CSNK1G3: variants seen among roughly 807,000 people sequenced by gnomAD.
CSNK1G3 encodes the protein casein kinase I isoform gamma-3.
CSNK1G3 carries 23 observed loss-of-function variants against 64.3 expected under a neutral mutation model. That is an observed-to-expected ratio of 0.36 (90% CI 0.26 to 0.51). The LOEUF is 0.51. Ranked by LOEUF, CSNK1G3 falls within the 20% of genes least tolerant of loss-of-function variation. The pLI, the probability that CSNK1G3 is intolerant of heterozygous loss-of-function variation, is 0.96. For synonymous variants in CSNK1G3, 158 were observed against 162.2 expected, an observed-to-expected ratio of 0.97 and a Z score of 0.20; for missense variants, 357 against 510.5, an observed-to-expected ratio of 0.70 and a Z score of 2.90.
chr5:123,602,624 G>T (rs1794694955), intron 10 of CSNK1G3, among the ~76,000 whole-genome samples: 1 of 152,152 alleles, frequency 6.6e-6, no homozygotes, highest in Non-Finnish European at 1.5e-5. Context: ...TGGAAGTCTG[G>T]AAGATGGGAG....
rs1235072868 is a variant in CSNK1G3 at position 123,523,153 on chromosome 5, C to T, written c.-248+10583C>T. Among the ~76,000 whole-genome samples, 3 of 149,642 alleles carry T rather than the reference C, an allele frequency of 2.0e-5. No homozygotes were observed. The East Asian group carries it at 5.8e-4, about 29-fold the overall frequency. ...TTTAGTATAACTGCACTTCTGCTTT[C>T]TTCTTTTTTATACCACTGTTGATGA... On this transcript the variant is annotated intron_variant, in intron 1 of 12. Transcript: ENST00000345990.
intron 1 of CSNK1G3, among the ~76,000 whole-genome samples, chr5:123,514,898 G>C (rs1776871211): frequency 1.3e-5 from 2 of 152,136 alleles, no homozygotes; most frequent in Admixed American, 1.3e-4. Context: ...GAGTCAGTTT[G>C]AGGCATGAAG....
At chr5:123,599,200 A>G (rs1793994991) in intron 10 of CSNK1G3, among the ~76,000 whole-genome samples, 1 of 152,192 alleles carries the variant, frequency 6.6e-6, no homozygotes, top group Non-Finnish European at 1.5e-5. Context: ...CATTAAGGAC[A>G]CTGCTGGAAA....
intron 2 of CSNK1G3, among the ~76,000 whole-genome samples, chr5:123,549,184 A>G (rs1289138342): frequency 1.3e-5 from 2 of 152,222 alleles, no homozygotes; most frequent in Non-Finnish European, 2.9e-5. Context: ...GCATTCTGCC[A>G]TTGGTAGATG....
At chr5:123,596,724 TTCA>T (rs1239633308) in intron 10 of CSNK1G3, among the ~76,000 whole-genome samples, 2 of 152,152 alleles carry the variant, frequency 1.3e-5, no homozygotes, top group Admixed American at 6.5e-5. Flanking sequence ...TACATCTGAC[TTCA>T]TCCTAATATT....
chr5:123,588,308 C>G, intron 7 of CSNK1G3, 119 bp from the exon 8 acceptor site: 1 of 1,045,284 alleles, frequency 9.6e-7, no homozygotes, highest in Non-Finnish European at 1.5e-6. Context: ...AACTCCTGGG[C>G]TCAAGCATTC....
chr5:123,592,397 G>A (rs558577573), intron 10 of CSNK1G3, among the ~76,000 whole-genome samples: 1 of 152,020 alleles, frequency 6.6e-6, no homozygotes, highest in South Asian at 2.1e-4. Flanking sequence ...ATGTTTCCTG[G>A]CCAGGTAAAG....
intron 2 of CSNK1G3, among the ~76,000 whole-genome samples, chr5:123,549,129 A>T (rs1783154468): frequency 6.6e-6 from 1 of 152,184 alleles, no homozygotes; most frequent in Admixed American, 6.5e-5. Flanking sequence ...ATAGTTGAGA[A>T]CTTCTGTGTT....
chr5:123,536,644 T>C (rs1163328768), intron 1 of CSNK1G3, among the ~76,000 whole-genome samples: 1 of 152,034 alleles, frequency 6.6e-6, no homozygotes, highest in Non-Finnish European at 1.5e-5. Flanking sequence ...AGTATGTGTA[T>C]TGAAACATCA....
chr5:123,542,910 A>T (rs1781910788), intron 1 of CSNK1G3, among the ~76,000 whole-genome samples: 2 of 134,700 alleles, frequency 1.5e-5, no homozygotes, highest in Admixed American at 7.4e-5. Flanking sequence ...GGGAGTTTTT[A>T]GCTATTATTC....
intron 10 of CSNK1G3, among the ~76,000 whole-genome samples, chr5:123,595,803 C>T (rs542731301): frequency 3.4e-4 from 52 of 152,028 alleles, no homozygotes; most frequent in African/African-American, 1.2e-3. Context: ...TTCTGCCCTC[C>T]GTTGCCCCAT....
chr5:123,612,366 T>C (rs1796479690), intron 12 of CSNK1G3, among the ~76,000 whole-genome samples: 2 of 152,210 alleles, frequency 1.3e-5, no homozygotes, highest in South Asian at 4.1e-4. Context: ...GATTATGTAA[T>C]TTAACTGGAC....
Position 123,554,547 on chromosome 5 carries a change from CG to C in CSNK1G3, c.219+1404del, listed in dbSNP as rs1418234923. On this transcript the variant is annotated intron_variant, in intron 3 of 12. Coordinates refer to ENST00000345990, the Ensembl canonical transcript of CSNK1G3. ...AGAGGTTGGTGAATATTAATCACAG[CG>C]GGGAGGCCTACTGTGGGATCCGCCT... 2.0e-5 allele frequency among the ~76,000 whole-genome samples: 3 copies of C among 152,304 alleles called. No individual in the cohort carries two copies. In the South Asian group the frequency reaches 6.2e-4, roughly 32 times the overall value.
At chr5:123,593,304 T>C (rs1792787288) in intron 10 of CSNK1G3, among the ~76,000 whole-genome samples, 1 of 151,886 alleles carries the variant, frequency 6.6e-6, no homozygotes, top group Non-Finnish European at 1.5e-5. Context: ...CACACTTTCA[T>C]CATGATAGAA....
chr5:123,566,462 G>T (rs1786896877), intron 4 of CSNK1G3, among the ~76,000 whole-genome samples: 1 of 152,080 alleles, frequency 6.6e-6, no homozygotes, highest in Non-Finnish European at 1.5e-5. Flanking sequence ...TTTTATAATT[G>T]AAAATTCACC....
At chr5:123,584,356 T>A (rs962985618) in intron 6 of CSNK1G3, among the ~76,000 whole-genome samples, 6 of 152,322 alleles carry the variant, frequency 3.9e-5, no homozygotes, top group African/African-American at 7.2e-5. Flanking sequence ...GAGATTTTTT[T>A]AAAAATCATT....
intron 10 of CSNK1G3, among the ~76,000 whole-genome samples, chr5:123,595,731 C>T (rs1361943719): frequency 6.6e-6 from 1 of 151,854 alleles, no homozygotes; most frequent in East Asian, 1.9e-4. Context: ...CAAAGCAGTC[C>T]CTTATTTATG....
intron 12 of CSNK1G3, among the ~76,000 whole-genome samples, chr5:123,612,309 A>G (rs1035236818): frequency 2.0e-5 from 3 of 152,200 alleles, no homozygotes; most frequent in African/African-American, 7.2e-5. Context: ...AGAAATCACA[A>G]TAAATAATTT....
chr5:123,542,264 C>G lies in CSNK1G3; in HGVS notation c.-247-3153C>G, dbSNP rs999736144. On this transcript the variant is annotated intron_variant, in intron 1 of 12. Transcript: ENST00000345990. ...CTTAAAATCTTCTCTCAATAATTTTCAAGAAGGAATCTTAAAACAGTGTCG... is the reference window on the plus strand; with the variant it reads ...CTTAAAATCTTCTCTCAATAATTTTGAAGAAGGAATCTTAAAACAGTGTCG... Among the ~76,000 whole-genome samples the G allele has an allele frequency of 3.9e-5, 6 of 152,242 alleles. No individual in the cohort carries two copies. In the East Asian group the frequency reaches 9.6e-4, roughly 24 times the overall value.
Sources: allele counts gnomAD v4.1 joint callset (sites outside exome capture counted in the v4.1 genomes callset), GRCh38; gene constraint gnomAD v4.1.1; transcripts MANE v1.5; gene names NCBI Gene and HGNC (gene_info 2026-07-23, HGNC 2026-07-21).